SASS6: variants seen among roughly 807,000 people sequenced by gnomAD.
SASS6 encodes SAS-6 centriolar assembly protein.
Under a neutral mutation model 94.9 loss-of-function variants are expected in SASS6, and 59 were observed. The observed-to-expected ratio is 0.62, with a 90% CI of 0.50 to 0.77. The LOEUF is 0.77. SASS6 is among the 30% of genes least tolerant of loss of function. The probability of loss-of-function intolerance (pLI) is 0.00; values close to 1 mark genes in which losing one functional copy is unlikely to be tolerated. For synonymous variants in SASS6, 264 were observed against 270.0 expected, an observed-to-expected ratio of 0.98 and a Z score of 0.22; for missense variants, 698 against 734.1, an observed-to-expected ratio of 0.95 and a Z score of 0.57.
chr1:100,121,162 G>A (rs188051646), intron 5 of SASS6, among the ~76,000 whole-genome samples: 13 of 151,838 alleles, frequency 8.6e-5, no homozygotes, highest in Admixed American at 7.2e-4. Context: ...AAAATCACAC[G>A]ATTGGTAAAA....
intron 12 of SASS6, among the ~76,000 whole-genome samples, chr1:100,106,574 G>C (rs1288475204): frequency 6.6e-6 from 1 of 152,098 alleles, no homozygotes; most frequent in South Asian, 2.1e-4. Context: ...AGCCGAGCAC[G>C]ATGGCTAACA....
intron 14 of SASS6, among the ~76,000 whole-genome samples, chr1:100,094,912 C>T (rs374996301): frequency 8.6e-5 from 13 of 150,742 alleles, no homozygotes; most frequent in African/African-American, 2.4e-4. Context: ...TTAACTCCAG[C>T]GATATATAAA....
At chr1:100,131,254 A>C (rs1398121222) in intron 1 of SASS6, among the ~76,000 whole-genome samples, 54 of 114,742 alleles carry the variant, frequency 4.7e-4, no homozygotes, top group Non-Finnish European at 8.8e-4. Flanking sequence ...ACAGTGGCAC[A>C]AATAGTAGCT....
At chr1:100,129,911 T>C (rs529343625) in intron 1 of SASS6, among the ~76,000 whole-genome samples, 1 of 152,370 alleles carries the variant, frequency 6.6e-6, no homozygotes, top group Non-Finnish European at 1.5e-5. Context: ...CTTCTCTGAC[T>C]TTAGTGTACT....
At chr1:100,132,106 C>T (rs1489223904) in intron 1 of SASS6, among the ~76,000 whole-genome samples, 7 of 152,340 alleles carry the variant, frequency 4.6e-5, no homozygotes, top group African/African-American at 1.7e-4. Context: ...ATTGTAAACT[C>T]CATGAAGAAA....
chr1:100,108,999 GAACT>G (rs148123416), intron 8 of SASS6, among the ~76,000 whole-genome samples: 6,260 of 151,374 alleles, frequency 0.041, 314 homozygotes, highest in African/African-American at 0.12. Flanking sequence ...AAAGCTCCAA[GAACT>G]AACAATTTGC....
chr1:100,106,474 C>CA (rs1293577371), intron 12 of SASS6, among the ~76,000 whole-genome samples: 3 of 152,234 alleles, frequency 2.0e-5, no homozygotes, highest in Admixed American at 2.0e-4. Context: ...GGCATTAAGA[C>CA]AGTATATTTA....
chr1:100,111,307 ATATC>A, intron 7 of SASS6, among the ~76,000 whole-genome samples: 1 of 152,148 alleles, frequency 6.6e-6, no homozygotes, highest in African/African-American at 2.4e-5. Context: ...TAATGAATGA[ATATC>A]AAACTATTTA....
intron 1 of SASS6, among the ~76,000 whole-genome samples, 187 bp downstream of exon 1, chr1:100,132,562 GT>G (rs1655151049): frequency 6.6e-6 from 1 of 152,192 alleles, no homozygotes; most frequent in South Asian, 2.1e-4. Context: ...CCTTCCTCCA[GT>G]CCCCTCTGCA....
In SASS6 at chr1:100,106,913, C is replaced by G. The variant is rs1415764887; in HGVS notation, c.1407G>C (p.Lys469Asn). 1.6e-6 allele frequency: 2 copies of G among 1,231,776 alleles called. No individual in the cohort carries two copies. The highest frequency in any genetic ancestry group is 1.5e-5 in the African/African-American group (1 of 66,638). 76.3% of individuals were successfully genotyped at this position (1,231,776 alleles called of 1,614,324 possible). Residue 469 changes from lysine (K) to asparagine (N), a missense_variant and splice_region_variant, in exon 12 of 17, where the codon AAG (lysine) becomes AAC (asparagine). Lys to Asn is a moderately conservative substitution (Grantham distance 94, BLOSUM62 0). Coordinates refer to ENST00000287482, the MANE Select transcript of SASS6 (RefSeq NM_194292.3). ...TACATTAACACGTAACATACTTACACTTTTCATTATTTTTTAGAAGTTGTT... is the reference window on the plus strand; with the variant it reads ...TACATTAACACGTAACATACTTACAGTTTTCATTATTTTTTAGAAGTTGTT... ...ESKQLLKNNE[K>N]LITWLNKELN...
intron 3 of SASS6, 86 bp from the exon 4 acceptor site, chr1:100,122,570 T>TC (rs1654283882): frequency 1.9e-6 from 1 of 539,346 alleles, no homozygotes. Context: ...TTTTTTTTTT[T>TC]GAGATAGAGG....
chr1:100,108,037 T>C (rs774922821), intron 8 of SASS6, 33 bp from the exon 9 acceptor site: 180 of 1,367,024 alleles, frequency 1.3e-4, no homozygotes, highest in Non-Finnish European at 1.8e-4. Flanking sequence ...TTAAGCATTA[T>C]GAAAAAAGGA....
intron 1 of SASS6, among the ~76,000 whole-genome samples, chr1:100,127,809 A>T (rs541497281): frequency 7.1e-6 from 1 of 141,108 alleles, no homozygotes; most frequent in Non-Finnish European, 1.5e-5. Flanking sequence ...CAACACAGCA[A>T]GATTAAGCTT....
At chr1:100,091,234 T>C (rs1020743510) in intron 14 of SASS6, among the ~76,000 whole-genome samples, 2 of 152,020 alleles carry the variant, frequency 1.3e-5, no homozygotes, top group African/African-American at 2.4e-5. Context: ...GAACCCAGAA[T>C]TGCAGTGAGC....
In SASS6 at chr1:100,110,326, C is replaced by G. The variant is rs768902598; in HGVS notation, c.827G>C (p.Arg276Thr). Residue 276 changes from arginine to threonine, a missense_variant, in exon 8 of 17, where the codon AGA becomes ACA. Coordinates refer to ENST00000287482, the MANE Select transcript of SASS6 (RefSeq NM_194292.3). ...ERKYKGDSTI[R>T]ELKAKLSGVE... ...ACCAGAAAGTTTTGCTTTAAGTTCTCTAATAGTGGAGTCTCCTTTATATTT... is the reference window on the plus strand; with the variant it reads ...ACCAGAAAGTTTTGCTTTAAGTTCTGTAATAGTGGAGTCTCCTTTATATTT... 1 of 1,587,868 alleles carries G rather than the reference C, an allele frequency of 6.3e-7. No homozygotes were observed. Among genetic ancestry groups the G allele is most frequent in the Non-Finnish European group, 8.5e-7 (1 of 1,170,524 alleles).
intron 7 of SASS6, among the ~76,000 whole-genome samples, chr1:100,118,327 AG>A (rs1653940957): frequency 6.8e-6 from 1 of 146,566 alleles, no homozygotes; most frequent in Non-Finnish European, 1.5e-5. Flanking sequence ...AAAAAAAAAA[AG>A]AAGAATTAAG....
intron 8 of SASS6, 84 bp from the exon 9 acceptor site, chr1:100,108,088 T>C (rs968368904): frequency 5.4e-6 from 4 of 737,114 alleles, no homozygotes; most frequent in African/African-American, 1.8e-5. Flanking sequence ...ATGTCTAACA[T>C]ATTAAAAAAA....
intron 1 of SASS6, among the ~76,000 whole-genome samples, chr1:100,130,185 C>T (rs1301290353): frequency 6.6e-6 from 1 of 152,154 alleles, no homozygotes; most frequent in Non-Finnish European, 1.5e-5. Context: ...TGCTATGGTG[C>T]CTGTTCAAGG....
intron 7 of SASS6, among the ~76,000 whole-genome samples, chr1:100,114,336 T>TA (rs1303556620): frequency 6.6e-6 from 1 of 152,000 alleles, no homozygotes; most frequent in East Asian, 1.9e-4. Context: ...ATAAGCGAAC[T>TA]ATGATGTGCA....
Sources: allele counts gnomAD v4.1 joint callset (sites outside exome capture counted in the v4.1 genomes callset), GRCh38; gene constraint gnomAD v4.1.1; transcripts MANE v1.5; gene names NCBI Gene and HGNC (gene_info 2026-07-23, HGNC 2026-07-21).